Variants in MLLT3 observed in about 807,000 individuals in gnomAD.
MLLT3 encodes the protein MLLT3 super elongation complex subunit, also known as protein AF-9.
MLLT3 carries 4 observed loss-of-function variants against 53.2 expected under a neutral mutation model. That is an observed-to-expected ratio of 0.08 (90% CI 0.04 to 0.17). The LOEUF (loss-of-function observed/expected upper bound fraction) is 0.17. Ranked by LOEUF, MLLT3 falls within the 10% of genes least tolerant of loss-of-function variation. The pLI is 1.00. For missense variants in MLLT3, 569 were observed against 684.0 expected (o/e 0.83, Z 1.87); for synonymous variants, 283 against 230.6 (o/e 1.23, Z -2.06).
At chr9:20,505,163 T>G (rs1587003914) in intron 2 of MLLT3, among the ~76,000 whole-genome samples, 1 of 152,236 alleles carries the variant, frequency 6.6e-6, no homozygotes, top group South Asian at 2.1e-4. Flanking sequence ...TCTACAGAAG[T>G]TGGTGAGATG....
chr9:20,541,290 C>T (rs560846475), intron 2 of MLLT3, among the ~76,000 whole-genome samples: 1 of 152,280 alleles, frequency 6.6e-6, no homozygotes, highest in African/African-American at 2.4e-5. Flanking sequence ...TGCCTGGTAC[C>T]CCGTTCCAAA....
intron 6 of MLLT3, among the ~76,000 whole-genome samples, chr9:20,364,640 C>G (rs1465609094): frequency 3.9e-5 from 6 of 152,170 alleles, no homozygotes; most frequent in African/African-American, 1.4e-4. Context: ...GTCAGTGAAA[C>G]AAGACCTCTG....
intron 2 of MLLT3, among the ~76,000 whole-genome samples, chr9:20,617,846 G>C (rs935452143): frequency 5.9e-5 from 9 of 152,088 alleles, no homozygotes; most frequent in African/African-American, 2.2e-4. Flanking sequence ...AATCCAATTA[G>C]CTCAATTCTG....
chr9:20,343,117 T>C lies in MLLT3; in HGVS notation c.*3326A>G. 1 of 164,646 alleles carries C rather than the reference T, an allele frequency of 6.1e-6. No homozygotes were observed. Among genetic ancestry groups the C allele is most frequent in the East Asian group, 1.0e-4 (1 of 9,608 alleles). 10.2% of individuals were successfully genotyped at this position (164,646 alleles called of 1,614,324 possible). A position where few individuals can be genotyped will look rare whatever the true frequency, so the allele number is the denominator to read the frequency against. ...GAGCTTGAAGTAGTAAATAGGATGT[T>C]ATACAGGCCTAAAATTGTTTCTTCT... On this transcript the variant is annotated 3_prime_UTR_variant, in exon 11 of 11. Coordinates refer to ENST00000380338, the MANE Select transcript of MLLT3 (RefSeq NM_004529.4).
At chr9:20,446,657 A>T (rs971493192) in intron 4 of MLLT3, among the ~76,000 whole-genome samples, 17 of 152,238 alleles carry the variant, frequency 1.1e-4, no homozygotes, top group African/African-American at 3.9e-4. Context: ...CATTAAAAAA[A>T]TGAGATTGAT....
rs574870013 is a variant in MLLT3 at position 20,367,643 on chromosome 9, C to G, written c.1126-1899G>C. Reference sequence around the variant, plus strand: ...TAAATTTATTTCACAATAACTTAGTCATGTTCTCATAACCAAATTTATTTC... The same window carrying G: ...TAAATTTATTTCACAATAACTTAGTGATGTTCTCATAACCAAATTTATTTC... On this transcript the variant is annotated intron_variant, in intron 5 of 10. Coordinates refer to ENST00000380338, the MANE Select transcript of MLLT3 (RefSeq NM_004529.4). Among the ~76,000 whole-genome samples, 11 of 152,272 alleles carry G rather than the reference C, an allele frequency of 7.2e-5. No individual in the cohort carries two copies. In the South Asian group the frequency reaches 1.7e-3, roughly 23 times the overall value.
intron 4 of MLLT3, among the ~76,000 whole-genome samples, chr9:20,440,073 A>T (rs1340190973): frequency 6.6e-6 from 1 of 152,222 alleles, no homozygotes; most frequent in Admixed American, 6.5e-5. Flanking sequence ...AAAAAAAGTC[A>T]TGTCAATAAA....
At chr9:20,501,548 G>A (rs540212936) in intron 2 of MLLT3, among the ~76,000 whole-genome samples, 30 of 151,166 alleles carry the variant, frequency 2.0e-4, no homozygotes, top group African/African-American at 7.3e-4. Flanking sequence ...TCAGGAGATC[G>A]AGACCATCCT....
intron 5 of MLLT3, among the ~76,000 whole-genome samples, chr9:20,378,367 A>G (rs940452760): frequency 2.0e-5 from 3 of 152,070 alleles, no homozygotes; most frequent in Admixed American, 2.0e-4. Context: ...CTAAATAAAC[A>G]GGACAGTCTC....
intron 2 of MLLT3, among the ~76,000 whole-genome samples, chr9:20,493,321 G>T (rs564734239): frequency 1.3e-5 from 2 of 152,046 alleles, no homozygotes; most frequent in East Asian, 3.9e-4. Flanking sequence ...TTCAACAGGT[G>T]TTTAAAATAT....
At chr9:20,490,419 T>C (rs1004032712) in intron 2 of MLLT3, among the ~76,000 whole-genome samples, 2 of 152,350 alleles carry the variant, frequency 1.3e-5, no homozygotes, top group South Asian at 4.1e-4. Flanking sequence ...GGCTTTGAAA[T>C]GTTAAGGGCC....
chr9:20,508,511 G>C (rs1222001814), intron 2 of MLLT3, among the ~76,000 whole-genome samples: 3 of 152,124 alleles, frequency 2.0e-5, no homozygotes, highest in Non-Finnish European at 4.4e-5. Flanking sequence ...ACTGTAGGGA[G>C]GAACTGAAAG....
chr9:20,354,112 T>C (rs1431366637), intron 9 of MLLT3, among the ~76,000 whole-genome samples: 1 of 152,196 alleles, frequency 6.6e-6, no homozygotes, highest in East Asian at 1.9e-4. Context: ...TTCCTGGTCA[T>C]ACCAAACATT....
intron 2 of MLLT3, among the ~76,000 whole-genome samples, chr9:20,530,524 T>C (rs1818304528): frequency 2.0e-5 from 3 of 152,240 alleles, no homozygotes; most frequent in Non-Finnish European, 4.4e-5. Context: ...GAGGAATTTA[T>C]TCAGCAACTT....
In MLLT3 at chr9:20,462,050, C is replaced by T. The variant is rs377463953; in HGVS notation, c.194-5264G>A. The stretch of plus-strand genomic sequence containing the variant: ...AGATCCTGTTCAGCCCATCTCTCCG[C>T]ACCCAAACTGTTCTGCACAAGCATC... On this transcript the variant is annotated intron_variant, in intron 2 of 10. Transcript: ENST00000380338. Among the ~76,000 whole-genome samples the T allele has an allele frequency of 5.3e-5, 8 of 152,212 alleles. No individual in the cohort carries two copies. The East Asian group carries it at 9.6e-4, about 18-fold the overall frequency.
chr9:20,389,915 CT>C (rs1486888357), intron 5 of MLLT3, among the ~76,000 whole-genome samples: 1 of 152,074 alleles, frequency 6.6e-6, no homozygotes, highest in African/African-American at 2.4e-5. Context: ...TTTTTCTTTT[CT>C]TATTTTGTCC....
intron 2 of MLLT3, among the ~76,000 whole-genome samples, chr9:20,492,112 T>C (rs1824962392): frequency 6.6e-6 from 1 of 152,104 alleles, no homozygotes; most frequent in East Asian, 1.9e-4. Flanking sequence ...AATCTAACCA[T>C]AGCTAATATT....
At chr9:20,501,695 G>C (rs1318806399) in intron 2 of MLLT3, among the ~76,000 whole-genome samples, 1 of 147,534 alleles carries the variant, frequency 6.8e-6, no homozygotes, top group Non-Finnish European at 1.5e-5. Flanking sequence ...AGCTTGCCGT[G>C]AGCCGAGATT....
rs535119454 is a variant in MLLT3, at chr9:20,460,108, T to C, written c.194-3322A>G. On this transcript the variant is annotated intron_variant, in intron 2 of 10. Coordinates refer to ENST00000380338, the MANE Select transcript of MLLT3 (RefSeq NM_004529.4). ...GCCAGTAGGGATACTACATTAGATA[T>C]AAAGCAATTCTTTTTTAAACAAGTA... Among the ~76,000 whole-genome samples the C allele has an allele frequency of 2.0e-4, 31 of 152,324 alleles. No individual in the cohort carries two copies. The South Asian group carries it at 5.8e-3, about 28-fold the overall frequency.
Sources: allele counts gnomAD v4.1 joint callset (sites outside exome capture counted in the v4.1 genomes callset), GRCh38; gene constraint gnomAD v4.1.1; transcripts MANE v1.5; gene names NCBI Gene and HGNC (gene_info 2026-07-23, HGNC 2026-07-21).